Variants in UNC13C observed in about 807,000 individuals in gnomAD.
UNC13C encodes unc-13 homolog C, also known as protein unc-13 homolog C.
In UNC13C, 174 loss-of-function variants were observed where a neutral mutation model predicts 245.4. The observed-to-expected ratio is 0.71, with a 90% CI of 0.63 to 0.80. The LOEUF is 0.80. Ranked by LOEUF, UNC13C falls within the 30% of genes least tolerant of loss-of-function variation. The probability of loss-of-function intolerance (pLI) is 0.00; values close to 1 mark genes in which losing one functional copy is unlikely to be tolerated. For synonymous variants in UNC13C, 992 were observed against 895.1 expected, an observed-to-expected ratio of 1.11 and a Z score of -1.93; for missense variants, 2,829 against 2,602.9, an observed-to-expected ratio of 1.09 and a Z score of -1.89.
chr15:54,155,920 ATC>A (rs2032724668), intron 4 of UNC13C, among the ~76,000 whole-genome samples: 1 of 152,242 alleles, frequency 6.6e-6, no homozygotes, highest in African/African-American at 2.4e-5. Flanking sequence ...AGTATGTCCG[ATC>A]ATGTGGAGGA....
At chr15:54,523,811 G>C (rs528112480) in intron 24 of UNC13C, among the ~76,000 whole-genome samples, 8 of 152,290 alleles carry the variant, frequency 5.3e-5, no homozygotes, top group Admixed American at 5.2e-4. Flanking sequence ...AGAGGTATGG[G>C]TGGGGAACTA....
chr15:53,840,159 TATTTATTATTAAGC>T, the UNC13C span, among the ~76,000 whole-genome samples: 1 of 152,118 alleles, frequency 6.6e-6, no homozygotes, highest in Non-Finnish European at 1.5e-5. Flanking sequence ...CTGATAATAT[TATTTATTATTAAGC>T]ATAGAGAATT....
At chr15:53,894,860 A>G in the UNC13C span, among the ~76,000 whole-genome samples, 1 of 152,176 alleles carries the variant, frequency 6.6e-6, no homozygotes, top group African/African-American at 2.4e-5. Context: ...TTATTGCCCC[A>G]TTAACCCTTC....
At chr15:54,579,840 G>A (rs2681972) in intron 30 of UNC13C, among the ~76,000 whole-genome samples, 17 of 152,208 alleles carry the variant, frequency 1.1e-4, no homozygotes, top group African/African-American at 3.9e-4. Context: ...CCTGGAGTGG[G>A]ACCCACATGT....
At chr15:54,020,154 A>G (rs1166196039) in intron 2 of UNC13C, among the ~76,000 whole-genome samples, 2 of 152,188 alleles carry the variant, frequency 1.3e-5, no homozygotes, top group Non-Finnish European at 2.9e-5. Context: ...ACATTTGAAG[A>G]GCACTACTAA....
intron 29 of UNC13C, among the ~76,000 whole-genome samples, chr15:54,556,319 T>C (rs1324536501): frequency 1.3e-5 from 2 of 152,080 alleles, no homozygotes; most frequent in East Asian, 1.9e-4. Context: ...TTGTAGAGCA[T>C]AGAACAGTTC....
the UNC13C span, among the ~76,000 whole-genome samples, chr15:53,899,909 C>T: frequency 3.0e-4 from 45 of 152,198 alleles, no homozygotes; most frequent in South Asian, 5.0e-3. Flanking sequence ...AAAGTCTCAC[C>T]CAGTTCTGCA....
chr15:54,299,173 G>C (rs921957606), intron 12 of UNC13C, among the ~76,000 whole-genome samples: 1 of 152,142 alleles, frequency 6.6e-6, no homozygotes, highest in South Asian at 2.1e-4. Context: ...CAGAGAAACA[G>C]CAGTACACTT....
chr15:54,479,180 A>G (rs72736596), intron 19 of UNC13C, among the ~76,000 whole-genome samples: 18,963 of 152,040 alleles, frequency 0.12, 1,300 homozygotes, highest in Non-Finnish European at 0.16. Context: ...GGGATTATTG[A>G]AATCCCCGAC....
At chr15:54,238,011 C>G (rs2035750644) in intron 7 of UNC13C, among the ~76,000 whole-genome samples, 1 of 151,484 alleles carries the variant, frequency 6.6e-6, no homozygotes, top group Non-Finnish European at 1.5e-5. Context: ...AGGTTTTCCC[C>G]AAACATCTTC....
chr15:54,304,883 A>G (rs2037686508), intron 13 of UNC13C, among the ~76,000 whole-genome samples: 1 of 151,958 alleles, frequency 6.6e-6, no homozygotes, highest in Non-Finnish European at 1.5e-5. Context: ...ATGAATACCA[A>G]TATTATTTAT....
chr15:54,191,794 A>G (rs892464724), intron 4 of UNC13C, among the ~76,000 whole-genome samples: 2 of 152,116 alleles, frequency 1.3e-5, no homozygotes, highest in Admixed American at 6.5e-5. Context: ...GCATTTCTCT[A>G]ATGACCAGTG....
At chr15:53,863,799 A>C in the UNC13C span, among the ~76,000 whole-genome samples, 1 of 152,178 alleles carries the variant, frequency 6.6e-6, no homozygotes, top group Non-Finnish European at 1.5e-5. Context: ...GCATGTGCTT[A>C]CTGTGCTTCT....
At chr15:54,356,478 G>A (rs764476748) in intron 17 of UNC13C, among the ~76,000 whole-genome samples, 13 of 151,892 alleles carry the variant, frequency 8.6e-5, no homozygotes, top group Non-Finnish European at 1.5e-4. Context: ...GAGATTTATC[G>A]CTCACAGTTC....
At chr15:53,950,740 A>G in the UNC13C span, among the ~76,000 whole-genome samples, 40 of 152,332 alleles carry the variant, frequency 2.6e-4, 1 homozygote, top group South Asian at 6.0e-3. Context: ...AGAAATAGCC[A>G]GGGGTTATGC....
intron 2 of UNC13C, among the ~76,000 whole-genome samples, chr15:54,047,389 C>A (rs549540130): frequency 2.1e-4 from 32 of 152,044 alleles, no homozygotes; most frequent in African/African-American, 6.5e-4. Flanking sequence ...AAGCTATGTA[C>A]CCGTTAATCA....
At chr15:54,530,004 C>T (rs1895661983) in intron 25 of UNC13C, among the ~76,000 whole-genome samples, 1 of 152,092 alleles carries the variant, frequency 6.6e-6, no homozygotes, top group Non-Finnish European at 1.5e-5. Context: ...ACCATCAAAA[C>T]TGGTGTAGGG....
At chr15:54,409,316 C>T (rs975255363) in intron 18 of UNC13C, among the ~76,000 whole-genome samples, 3 of 150,866 alleles carry the variant, frequency 2.0e-5, no homozygotes, top group African/African-American at 4.9e-5. Context: ...TTTATATAAG[C>T]TGTATATATT....
At position 54,264,290 on chromosome 15, in the gene UNC13C, G is replaced by A; in HGVS notation, c.3571G>A (p.Glu1191Lys). The change falls in exon 9 of 33, where the codon GAA becomes AAA. Residue 1191 changes from glutamate to lysine, a missense_variant. Coordinates refer to ENST00000260323, the MANE Select transcript of UNC13C (RefSeq NM_001080534.3). ...NRPEVFEVIQ[E>K]MFQISKEDFV... ...GCCAGAAGTATTTGAAGTAATCCAG[G>A]AAATGTTTCAGATTTCTAAAGAAGA... is the stretch of plus-strand genomic sequence containing the variant. The A allele has an allele frequency of 6.2e-7, 1 of 1,601,584 alleles. No homozygotes were observed. Among genetic ancestry groups the A allele is most frequent in the Non-Finnish European group, 8.5e-7 (1 of 1,173,442 alleles).
Sources: gnomAD v4.1 joint callset for allele counts (sites outside exome capture counted in the v4.1 genomes callset) on GRCh38, gnomAD v4.1.1 for gene constraint, MANE v1.5 for transcripts, NCBI Gene and HGNC (gene_info 2026-07-23, HGNC 2026-07-21) for gene names.